TTLL5: variants seen among roughly 807,000 people sequenced by gnomAD.
TTLL5 encodes the protein tubulin polyglutamylase TTLL5.
TTLL5 carries 132 observed loss-of-function variants against 168.4 expected under a neutral mutation model. The ratio of observed to expected loss-of-function variants is 0.78; its 90% CI spans 0.68 to 0.91. TTLL5 has a LOEUF of 0.91. Among genes scored for constraint, TTLL5 ranks in the 40% least tolerant of loss-of-function variants. The pLI, the probability that TTLL5 is intolerant of heterozygous loss-of-function variation, is 0.00. For synonymous variants in TTLL5, 546 were observed against 558.6 expected, an observed-to-expected ratio of 0.98 and a Z score of 0.32; for missense variants, 1,545 against 1,581.5, an observed-to-expected ratio of 0.98 and a Z score of 0.39.
At chr14:75,885,447 G>A (rs191774380) in intron 30 of TTLL5, among the ~76,000 whole-genome samples, 223 of 149,488 alleles carry the variant, frequency 1.5e-3, no homozygotes, top group African/African-American at 5.0e-3. Context: ...AGCCGAGATC[G>A]TACCACTGCA....
rs928610646 is a variant in TTLL5 at position 75,680,369 on chromosome 14, T to C, written c.182-1176T>C. Reference sequence around the variant, plus strand: ...CAGTTCTCCAGCTGATTCTTGCCATTGGAGAGAAGAAAGCCCAGGTTTCCA... The same window carrying C: ...CAGTTCTCCAGCTGATTCTTGCCATCGGAGAGAAGAAAGCCCAGGTTTCCA... On this transcript the variant is annotated intron_variant, in intron 3 of 31. Coordinates refer to ENST00000298832, the MANE Select transcript of TTLL5 (RefSeq NM_015072.5). 1.1e-4 allele frequency among the ~76,000 whole-genome samples: 16 copies of C among 152,142 alleles called. 1 individual carries two copies. The highest frequency in any genetic ancestry group is 2.9e-5 in the Non-Finnish European group (2 of 68,030).
chr14:75,934,378 G>A (rs767617844), intron 31 of TTLL5, among the ~76,000 whole-genome samples: 1 of 152,162 alleles, frequency 6.6e-6, no homozygotes, highest in Non-Finnish European at 1.5e-5. Context: ...ACTTTTACGT[G>A]ATACTGTAGA....
At chr14:75,837,492 T>C (rs1895933103) in intron 28 of TTLL5, 1 of 152,328 alleles carries the variant, frequency 6.6e-6, no homozygotes, top group African/African-American at 2.4e-5. Flanking sequence ...CACAGTTCAA[T>C]AGCATTAAGT....
chr14:75,795,528 A>AAGT (rs1490842157), intron 27 of TTLL5, among the ~76,000 whole-genome samples: 1 of 152,080 alleles, frequency 6.6e-6, no homozygotes, highest in Non-Finnish European at 1.5e-5. Context: ...CCTATCACCC[A>AAGT]AGTAGTGTAC....
chr14:75,770,985 A>G (rs1891273790), intron 20 of TTLL5, among the ~76,000 whole-genome samples: 1 of 152,218 alleles, frequency 6.6e-6, no homozygotes, highest in African/African-American at 2.4e-5. Context: ...ATTAATTGCC[A>G]TTGCAAAATC....
At chr14:75,686,850 G>C (rs562793408) in intron 5 of TTLL5, among the ~76,000 whole-genome samples, 2 of 152,134 alleles carry the variant, frequency 1.3e-5, no homozygotes, top group Non-Finnish European at 2.9e-5. Context: ...GAGTAATCCA[G>C]ATGATTTTAT....
At chr14:75,671,442 G>A (rs1594844277) in intron 3 of TTLL5, among the ~76,000 whole-genome samples, 1 of 152,236 alleles carries the variant, frequency 6.6e-6, no homozygotes, top group South Asian at 2.1e-4. Context: ...AATGGCTGTT[G>A]GGATGTTGAT....
chr14:75,716,821 C>T (rs1887497531), intron 9 of TTLL5, among the ~76,000 whole-genome samples: 2 of 152,142 alleles, frequency 1.3e-5, no homozygotes, highest in Non-Finnish European at 1.5e-5. Flanking sequence ...GTATTTTATA[C>T]TTTGGTCTTC....
chr14:75,886,562 C>A, intron 30 of TTLL5: 1 of 1,034,178 alleles, frequency 9.7e-7, no homozygotes, highest in Non-Finnish European at 1.4e-6. Flanking sequence ...AATTCATATA[C>A]TTGTATTTCA....
chr14:75,776,679 T>G lies in TTLL5; in HGVS notation c.2284-68T>G. ...ACTCAAGGCTATTGAAACTACATGA[T>G]GAAGTGCATATTTATTAGGAGTCAG... On this transcript the variant is annotated intron_variant, in intron 22 of 31. Coordinates refer to ENST00000298832, the MANE Select transcript of TTLL5 (RefSeq NM_015072.5). 15 of 1,125,776 alleles carry G rather than the reference T, an allele frequency of 1.3e-5. 2 individuals are homozygous for G. Among genetic ancestry groups the G allele is most frequent in the Middle Eastern group, 4.1e-4 (2 of 4,872 alleles). The allele number at this position is 1,125,776 out of a possible 1,614,324, so 69.7% of individuals were successfully genotyped here.
rs2032762085 is a variant in TTLL5 at position 75,898,269 on chromosome 14, CCAGT to C, written c.3741-3864_3741-3861del. ...AGGATAAGATGGGAGAAATATCACT[CCAGT>C]CAGTCAGTTTCAGTTCCCGTGGGAC... On this transcript the variant is annotated intron_variant, in intron 30 of 31. Coordinates refer to ENST00000298832, the MANE Select transcript of TTLL5 (RefSeq NM_015072.5). Among the ~76,000 whole-genome samples the C allele has an allele frequency of 3.3e-5, 5 of 152,270 alleles. No individual in the cohort carries two copies. The South Asian group carries it at 6.2e-4, about 19-fold the overall frequency.
intron 28 of TTLL5, among the ~76,000 whole-genome samples, chr14:75,824,600 G>A (rs1308007647): frequency 6.6e-6 from 1 of 152,084 alleles, no homozygotes; most frequent in Non-Finnish European, 1.5e-5. Context: ...AGTGTTTAAT[G>A]GGTATAGAGT....
At chr14:75,671,393 C>A (rs2140095229) in intron 3 of TTLL5, among the ~76,000 whole-genome samples, 1 of 152,262 alleles carries the variant, frequency 6.6e-6, no homozygotes, top group South Asian at 2.1e-4. Context: ...CTTGCAATTC[C>A]ATATGAATGT....
chr14:75,889,459 G>A (rs1222396509), intron 30 of TTLL5, among the ~76,000 whole-genome samples: 6 of 152,272 alleles, frequency 3.9e-5, no homozygotes, highest in South Asian at 4.1e-4. Flanking sequence ...AAACTGGAAC[G>A]TTTCAATTAA....
chr14:75,905,407 A>G (rs925179447), intron 31 of TTLL5, among the ~76,000 whole-genome samples: 2 of 152,200 alleles, frequency 1.3e-5, no homozygotes, highest in Non-Finnish European at 1.5e-5. Context: ...TTGAAAAACA[A>G]CTCAGAGTCC....
Position 75,853,656 on chromosome 14 carries a change from CAA to C in TTLL5, c.3327-10010_3327-10009del, listed in dbSNP as rs531871903. ...AAATTATAAAAACAGGAAATAATAA[CAA>C]GAGTTTTAATGAAAGATAAGTGAAA... On this transcript the variant is annotated intron_variant, in intron 28 of 31. Coordinates refer to ENST00000298832, the MANE Select transcript of TTLL5 (RefSeq NM_015072.5). Among the ~76,000 whole-genome samples, 11 of 152,224 alleles carry C rather than the reference CAA, an allele frequency of 7.2e-5. No homozygotes were observed. In the South Asian group the frequency reaches 1.9e-3, roughly 26 times the overall value.
chr14:75,895,499 T>A (rs1348342928), intron 30 of TTLL5, among the ~76,000 whole-genome samples: 2 of 151,982 alleles, frequency 1.3e-5, no homozygotes, highest in African/African-American at 4.8e-5. Context: ...AGCACTTAAG[T>A]TAGAAATAAT....
chr14:75,675,480 C>CT (rs1346815792), intron 3 of TTLL5, among the ~76,000 whole-genome samples: 2 of 152,076 alleles, frequency 1.3e-5, no homozygotes, highest in Non-Finnish European at 2.9e-5. Flanking sequence ...TTCAAGTTGC[C>CT]TCTAGGGGCA....
At chr14:75,900,020 A>G (rs762293427) in intron 30 of TTLL5, among the ~76,000 whole-genome samples, 4 of 151,556 alleles carry the variant, frequency 2.6e-5, no homozygotes, top group Non-Finnish European at 5.9e-5. Flanking sequence ...AGCTGCTCCT[A>G]AAGCAAGCAC....
Sources: allele counts gnomAD v4.1 joint callset (sites outside exome capture counted in the v4.1 genomes callset), GRCh38; gene constraint gnomAD v4.1.1; transcripts MANE v1.5; gene names NCBI Gene and HGNC (gene_info 2026-07-23, HGNC 2026-07-21).